The following RNF217 variants were observed in gnomAD, a reference collection of about 807,000 sequenced individuals.
The protein encoded by RNF217 is E3 ubiquitin-protein ligase RNF217.
RNF217 carries 31 observed loss-of-function variants against 57.8 expected under a neutral mutation model. The ratio of observed to expected loss-of-function variants is 0.54; its 90% CI spans 0.40 to 0.72. The LOEUF (loss-of-function observed/expected upper bound fraction) is 0.72. RNF217 is among the 30% of genes least tolerant of loss of function. The pLI is 0.00. For missense variants in RNF217, 696 were observed against 708.3 expected (o/e 0.98, Z 0.20); for synonymous variants, 313 against 294.0 (o/e 1.06, Z -0.66).
chr6:125,079,368 T>C (rs895000852), intron 4 of RNF217, among the ~76,000 whole-genome samples: 1 of 151,936 alleles, frequency 6.6e-6, no homozygotes, highest in Non-Finnish European at 1.5e-5. Flanking sequence ...GGTCTTCAAT[T>C]GATTTCTAGA....
At chr6:124,988,269 A>C (rs1397401534) in intron 1 of RNF217, among the ~76,000 whole-genome samples, 1 of 152,190 alleles carries the variant, frequency 6.6e-6, no homozygotes, top group Admixed American at 6.5e-5. Context: ...CCCTAGTGCC[A>C]AAAAGGTTGG....
At chr6:124,996,345 C>G (rs1030130762) in intron 1 of RNF217, among the ~76,000 whole-genome samples, 1 of 151,858 alleles carries the variant, frequency 6.6e-6, no homozygotes, top group Non-Finnish European at 1.5e-5. Context: ...TATGTTTTCT[C>G]TGATGTGCTT....
At chr6:125,073,598 T>C (rs1050591667) in intron 3 of RNF217, among the ~76,000 whole-genome samples, 6 of 152,176 alleles carry the variant, frequency 3.9e-5, no homozygotes, top group African/African-American at 1.4e-4. Context: ...TTTGCTTTTC[T>C]TGCCCAAATC....
intron 2 of RNF217, among the ~76,000 whole-genome samples, chr6:125,049,371 A>G (rs757200524): frequency 6.6e-6 from 1 of 152,000 alleles, no homozygotes; most frequent in Non-Finnish European, 1.5e-5. Context: ...TACTTCATTT[A>G]CTGCTGATAA....
intron 1 of RNF217, among the ~76,000 whole-genome samples, chr6:124,979,128 C>A (rs1784068844): frequency 1.3e-5 from 2 of 152,192 alleles, no homozygotes; most frequent in Non-Finnish European, 2.9e-5. Flanking sequence ...TTTCAGGCTT[C>A]AGGCTGTCTT....
At position 125,085,339 on chromosome 6, in the gene RNF217, A is replaced by C. The variant is rs1788741653; in HGVS notation, c.*2402A>C. ...TGTTGCACAGGTTTTTCATTTTTCTATTGAGTAGATATTTTTAAATTAACA... is the reference window on the plus strand; with the variant it reads ...TGTTGCACAGGTTTTTCATTTTTCTCTTGAGTAGATATTTTTAAATTAACA... On this transcript the variant is annotated 3_prime_UTR_variant, in exon 6 of 6. Coordinates refer to ENST00000521654, the MANE Select transcript of RNF217 (RefSeq NM_001286398.3). The C allele has an allele frequency of 6.6e-6, 1 of 151,668 alleles. No individual in the cohort carries two copies. The highest frequency in any genetic ancestry group is 1.5e-5 in the Non-Finnish European group (1 of 67,782). 9.4% of individuals were successfully genotyped at this position (151,668 alleles called of 1,614,324 possible). A position where few individuals can be genotyped will look rare whatever the true frequency, so the allele number is the denominator to read the frequency against.
rs1783325006 is a variant in RNF217 at position 124,962,627 on chromosome 6, C to T, written c.83C>T (p.Pro28Leu). The T allele has an allele frequency of 7.6e-7, 1 of 1,322,948 alleles. No homozygotes were observed. 82.0% of individuals were successfully genotyped at this position (1,322,948 alleles called of 1,614,324 possible). The change falls in exon 1 of 6, where the codon CCT becomes CTT. Residue 28 changes from proline (P) to leucine (L), a missense_variant. Around this residue, in one of 2 missense-constraint regions of RNF217, gnomAD observed 465 missense variants for 386.8 expected, o/e 1.20. Coordinates refer to ENST00000521654, the MANE Select transcript of RNF217 (RefSeq NM_001286398.3). The surrounding 1 kb of genome is among the most constrained non-coding windows in gnomAD (Gnocchi z 4.6). ...CTGGCCAGTGGCACTGCGGGCCACC[C>T]TGAGCCCCCGAGGCCTCAGGGGGAC... ...QTLASGTAGH[P>L]EPPRPQGDSA...
At position 125,005,704 on chromosome 6, in the gene RNF217, A is replaced by G. The variant is rs117624987; in HGVS notation, c.883-39507A>G. ...GCTAGAAATTCATGTACCATATTAC[A>G]TTCGAAATATGATTTCATGTGGTTA... On this transcript the variant is annotated intron_variant, in intron 1 of 5. Transcript: ENST00000521654. Among the ~76,000 whole-genome samples, 166 of 152,362 alleles carry G rather than the reference A, an allele frequency of 1.1e-3. No homozygotes were observed. In the East Asian group the frequency reaches 0.025, roughly 23 times the overall value.
intron 1 of RNF217, among the ~76,000 whole-genome samples, chr6:125,002,340 C>G (rs747719121): frequency 6.6e-6 from 1 of 152,110 alleles, no homozygotes; most frequent in South Asian, 2.1e-4. Context: ...TAATCCTCCT[C>G]GTCACAAGCT....
Position 125,088,305 on chromosome 6 carries a change from C to A in RNF217, c.*5368C>A, listed in dbSNP as rs940232842. 7.2e-5 allele frequency: 11 copies of A among 152,016 alleles called. No homozygotes were observed. The highest frequency in any genetic ancestry group is 2.4e-4 in the African/African-American group (10 of 41,396). 9.4% of individuals were successfully genotyped at this position (152,016 alleles called of 1,614,324 possible). ...ATTGTGAAATGTTACCTTTTGGATGCAAACCAATGATACAAATCTTTAAGA... is the reference window on the plus strand; with the variant it reads ...ATTGTGAAATGTTACCTTTTGGATGAAAACCAATGATACAAATCTTTAAGA... On this transcript the variant is annotated 3_prime_UTR_variant, in exon 6 of 6. Coordinates refer to ENST00000521654, the MANE Select transcript of RNF217 (RefSeq NM_001286398.3).
At position 125,091,241 on chromosome 6, in the gene RNF217, C is replaced by T. The variant is rs1465092004; in HGVS notation, c.*8304C>T. ...GGGAAACTGGGTTTATTCTCATTTT[C>T]CAATAGCACTAATGTATAATCCCTT... On this transcript the variant is annotated 3_prime_UTR_variant, in exon 6 of 6. Transcript: ENST00000521654. 1 of 151,994 alleles carries T rather than the reference C, an allele frequency of 6.6e-6. No individual in the cohort carries two copies. Among genetic ancestry groups the T allele is most frequent in the Non-Finnish European group, 1.5e-5 (1 of 67,908 alleles). The allele number at this position is 151,994 out of a possible 1,614,324, so 9.4% of individuals were successfully genotyped here.
intron 3 of RNF217, among the ~76,000 whole-genome samples, chr6:125,064,774 G>A (rs1787870644): frequency 6.6e-6 from 1 of 151,824 alleles, no homozygotes; most frequent in African/African-American, 2.4e-5. Flanking sequence ...ATTTTTATAT[G>A]TATATCACAT....
chr6:125,042,502 G>A (rs1342696081), intron 1 of RNF217, among the ~76,000 whole-genome samples: 7 of 152,056 alleles, frequency 4.6e-5, no homozygotes, highest in Non-Finnish European at 7.4e-5. Context: ...GTAGGATAGG[G>A]ATTTTGGAGC....
intron 1 of RNF217, among the ~76,000 whole-genome samples, chr6:125,024,550 T>C (rs1785990736): frequency 6.6e-6 from 1 of 151,796 alleles, no homozygotes; most frequent in Non-Finnish European, 1.5e-5. Context: ...AAATCCTGTC[T>C]CCACTAAAAT....
intron 3 of RNF217, among the ~76,000 whole-genome samples, chr6:125,062,641 A>G (rs759849715): frequency 9.9e-5 from 15 of 152,150 alleles, no homozygotes; most frequent in Non-Finnish European, 1.6e-4. Context: ...CAGTGGTGCT[A>G]TCTCGGCTCA....
intron 1 of RNF217, among the ~76,000 whole-genome samples, chr6:124,988,867 C>T (rs1784450926): frequency 6.6e-6 from 1 of 152,076 alleles, no homozygotes; most frequent in Non-Finnish European, 1.5e-5. Flanking sequence ...ACAGTTAAGC[C>T]GTATCTGTAT....
Position 125,089,581 on chromosome 6 carries a change from T to C in RNF217, c.*6644T>C, listed in dbSNP as rs1255768312. 6.6e-6 allele frequency: 1 copy of C among 151,552 alleles called. No individual in the cohort carries two copies. Among genetic ancestry groups the C allele is most frequent in the East Asian group, 1.9e-4 (1 of 5,200 alleles). The allele number at this position is 151,552 out of a possible 1,614,324, so 9.4% of individuals were successfully genotyped here. A position where few individuals can be genotyped will look rare whatever the true frequency, so the allele number is the denominator to read the frequency against. ...ATTTGTCATTTGCAAGTGTTTGACT[T>C]TTTTATTGATATGATTTAGATATGC... is the stretch of plus-strand genomic sequence containing the variant. On this transcript the variant is annotated 3_prime_UTR_variant, in exon 6 of 6. Coordinates refer to ENST00000521654, the MANE Select transcript of RNF217 (RefSeq NM_001286398.3).
At chr6:125,071,949 G>C (rs529226527) in intron 3 of RNF217, among the ~76,000 whole-genome samples, 13 of 152,212 alleles carry the variant, frequency 8.5e-5, no homozygotes, top group African/African-American at 3.1e-4. Flanking sequence ...CTAAACTCAT[G>C]AATATTTTTG....
intron 3 of RNF217, among the ~76,000 whole-genome samples, chr6:125,069,068 G>A (rs1436280326): frequency 2.0e-5 from 3 of 152,126 alleles, no homozygotes; most frequent in Non-Finnish European, 2.9e-5. Context: ...TTTATTGTAC[G>A]GCTCTACCCT....
Sources: gnomAD v4.1 joint callset for allele counts (sites outside exome capture counted in the v4.1 genomes callset) on GRCh38, gnomAD v4.1.1 for gene constraint, gnomAD v4.1.1 regional missense constraint, Gnocchi (gnomAD v3.1) non-coding constraint, MANE v1.5 for transcripts, NCBI Gene and HGNC (gene_info 2026-07-23, HGNC 2026-07-21) for gene names.